The following PVALB variants were observed in gnomAD, a reference collection of about 807,000 sequenced individuals.
PVALB encodes the protein parvalbumin alpha.
A neutral mutation model predicts 10.9 loss-of-function variants in PVALB; 11 were observed. That is an observed-to-expected ratio of 1.01 (90% CI 0.63 to 1.67). PVALB has a LOEUF of 1.67. PVALB is among the 40% of genes most tolerant of loss of function. The pLI is 0.00. For missense variants in PVALB, 131 were observed against 136.2 expected, an observed-to-expected ratio of 0.96 and a Z score of 0.19; for synonymous variants, 57 against 50.7, an observed-to-expected ratio of 1.12 and a Z score of -0.53.
At chr22:36,817,162 G>A, upstream of PVALB, 1 of 614,366 alleles carries the variant, frequency 1.6e-6, no homozygotes, top group East Asian at 3.6e-5. Flanking sequence ...GAGCGCAGCG[G>A]GAGCGGCTCA....
At chr22:36,805,742 G>A (rs1398174412) in intron 3 of PVALB, among the ~76,000 whole-genome samples, 1 of 152,222 alleles carries the variant, frequency 6.6e-6, no homozygotes, top group Non-Finnish European at 1.5e-5. Context: ...CTGGCACACA[G>A]TAACTGGTTT....
At position 36,815,247 on chromosome 22, in the gene PVALB, A is replaced by G; in HGVS notation, c.62-12T>C. 1.2e-6 allele frequency: 2 copies of G among 1,614,054 alleles called. No individual in the cohort carries two copies. Among genetic ancestry groups the G allele is most frequent in the Non-Finnish European group, 1.7e-6 (2 of 1,179,928 alleles). On this transcript the variant is annotated splice_polypyrimidine_tract_variant and intron_variant, in intron 1 of 3. Coordinates refer to ENST00000417718, the MANE Select transcript of PVALB (RefSeq NM_001315532.2). ...GAAGGAGTCGGTAGCTGTGGGGGGA[A>G]GAGCAGGGTCAAACAAGGACCAGAA...
At chr22:36,803,747 G>A (rs889902723) in intron 3 of PVALB, among the ~76,000 whole-genome samples, 7 of 152,056 alleles carry the variant, frequency 4.6e-5, no homozygotes, top group East Asian at 3.9e-4. Flanking sequence ...GATAGCTCAC[G>A]AGTCCTTCTT....
At chr22:36,813,783 G>A (rs775921556) in intron 2 of PVALB, 28 bp from the exon 3 acceptor site, 3 of 1,568,106 alleles carry the variant, frequency 1.9e-6, no homozygotes, top group Non-Finnish European at 2.6e-6. Context: ...GAAAGCCGGT[G>A]AGGGAGTCAG....
At chr22:36,802,594 C>A in intron 3 of PVALB, among the ~76,000 whole-genome samples, 1 of 90,194 alleles carries the variant, frequency 1.1e-5, no homozygotes, top group Non-Finnish European at 2.1e-5. Context: ...AGTGAGACTC[C>A]ATCTCACACA....
rs773030993 is a variant in PVALB, at chr22:36,816,953, G to T, written c.53C>A (p.Ala18Asp). 6 of 1,607,748 alleles carry T rather than the reference G, an allele frequency of 3.7e-6. No individual in the cohort carries two copies. The highest frequency in any genetic ancestry group is 1.7e-5 in the Admixed American group (1 of 59,724). Residue 18 changes from alanine to aspartate, a missense_variant, in exon 1 of 4, where the codon GCC becomes GAC. Coordinates refer to ENST00000417718, the MANE Select transcript of PVALB (RefSeq NM_001315532.2). ...GGAGCGCGCTTGCTCACCGCTAAAG[G>T]CTCCCACCGCCTTCTTGATGTCCTC... is the stretch of plus-strand genomic sequence containing the variant. ...NAEDIKKAVGAFSATDSFDHK... is the reference protein window; with the variant it reads ...NAEDIKKAVGDFSATDSFDHK...
chr22:36,819,034 C>G (rs768772810), upstream of PVALB, among the ~76,000 whole-genome samples: 6 of 152,296 alleles, frequency 3.9e-5, no homozygotes, highest in Non-Finnish European at 7.4e-5. Flanking sequence ...CTTGACACCC[C>G]CTCCGGGACT....
intron 1 of PVALB, 166 bp from the exon 2 acceptor site, chr22:36,815,401 G>T: frequency 1.1e-6 from 1 of 907,034 alleles, no homozygotes; most frequent in Non-Finnish European, 1.7e-6. Context: ...GGCAAGGGAG[G>T]ATAACCTGTC....
chr22:36,808,515 G>T (rs1313000146), intron 3 of PVALB, among the ~76,000 whole-genome samples: 1 of 152,214 alleles, frequency 6.6e-6, no homozygotes, highest in African/African-American at 2.4e-5. Context: ...GCAAAATGGG[G>T]ATAGTGACGG....
upstream of PVALB, among the ~76,000 whole-genome samples, chr22:36,818,945 A>G (rs983691853): frequency 6.6e-6 from 1 of 152,160 alleles, no homozygotes; most frequent in African/African-American, 2.4e-5. Flanking sequence ...CCTGTGGCAA[A>G]GGCTGCAGCC....
At chr22:36,812,438 C>T (rs766917909) in intron 3 of PVALB, among the ~76,000 whole-genome samples, 4 of 152,104 alleles carry the variant, frequency 2.6e-5, no homozygotes, top group African/African-American at 4.8e-5. Flanking sequence ...GGTACCCTTG[C>T]GAAGGGACCT....
intron 3 of PVALB, 59 bp downstream of exon 3, chr22:36,813,587 T>C: frequency 7.1e-7 from 1 of 1,407,692 alleles, no homozygotes; most frequent in Non-Finnish European, 1.0e-6. Flanking sequence ...CTTCAAACTT[T>C]TCGCATCCAA....
intron 3 of PVALB, among the ~76,000 whole-genome samples, chr22:36,802,384 C>T (rs957966752): frequency 1.3e-4 from 19 of 151,656 alleles, no homozygotes; most frequent in Non-Finnish European, 2.2e-4. Flanking sequence ...GGGCGGATCA[C>T]GAGGTCAAGA....
intron 2 of PVALB, 25 bp from the exon 3 acceptor site, chr22:36,813,780 G>A (rs373453572): frequency 6.2e-5 from 97 of 1,574,738 alleles, no homozygotes; most frequent in Non-Finnish European, 7.3e-5. Context: ...GGAGAAAGCC[G>A]GTGAGGGAGT....
upstream of PVALB, among the ~76,000 whole-genome samples, chr22:36,817,958 C>T (rs1380859986): frequency 6.6e-6 from 1 of 152,112 alleles, no homozygotes; most frequent in Non-Finnish European, 1.5e-5. Flanking sequence ...TCTAGACAAC[C>T]TAAGCAGGTG....
At chr22:36,803,056 C>T (rs1938893825) in intron 3 of PVALB, among the ~76,000 whole-genome samples, 1 of 152,140 alleles carries the variant, frequency 6.6e-6, no homozygotes, top group Admixed American at 6.5e-5. Context: ...TAACATTTAT[C>T]GAATGCCAAT....
chr22:36,818,425 T>G (rs1601526324), upstream of PVALB: 1 of 152,558 alleles, frequency 6.6e-6, no homozygotes, highest in African/African-American at 2.4e-5. Context: ...TTAGGATACC[T>G]CTGCTGGCTC....
chr22:36,808,315 C>T (rs188604846), intron 3 of PVALB, among the ~76,000 whole-genome samples: 173 of 152,266 alleles, frequency 1.1e-3, no homozygotes, highest in Non-Finnish European at 1.8e-3. Context: ...TGAATGCTAA[C>T]CTCGATTCCT....
chr22:36,815,736 G>A (rs1043368345), intron 1 of PVALB, among the ~76,000 whole-genome samples: 25 of 152,176 alleles, frequency 1.6e-4, no homozygotes, highest in Non-Finnish European at 5.9e-5. Context: ...AGGTCATACA[G>A]TGGGAGGAGG....
Sources: allele counts gnomAD v4.1 joint callset (sites outside exome capture counted in the v4.1 genomes callset), GRCh38; gene constraint gnomAD v4.1.1; transcripts MANE v1.5; gene names NCBI Gene and HGNC (gene_info 2026-07-23, HGNC 2026-07-21).